FLACC1: variants seen among roughly 807,000 people sequenced by gnomAD.
FLACC1 encodes the protein flagellum-associated coiled-coil domain-containing protein 1.
A neutral mutation model predicts 62.8 loss-of-function variants in FLACC1; 66 were observed. That is an observed-to-expected ratio of 1.05 (90% confidence interval 0.86 to 1.29). The LOEUF is 1.29. FLACC1 is among the 50% of genes most tolerant of loss of function. The probability of loss-of-function intolerance (pLI) is 0.00; values close to 1 mark genes in which losing one functional copy is unlikely to be tolerated. For missense variants in FLACC1, 452 were observed against 489.1 expected, an observed-to-expected ratio of 0.92 and a Z score of 0.71; for synonymous variants, 156 against 161.0, an observed-to-expected ratio of 0.97 and a Z score of 0.24.
chr2:201,296,330 C>T (rs1949860950), intron 12 of FLACC1, among the ~76,000 whole-genome samples: 1 of 151,932 alleles, frequency 6.6e-6, no homozygotes, highest in South Asian at 2.1e-4. Flanking sequence ...TACTATGCAG[C>T]CATAAAAAAT....
intron 9 of FLACC1, among the ~76,000 whole-genome samples, chr2:201,324,940 C>G (rs1401830233): frequency 2.0e-5 from 3 of 151,954 alleles, no homozygotes; most frequent in Non-Finnish European, 4.4e-5. Flanking sequence ...CCAGGCTGGC[C>G]AACATGGTGA....
intron 12 of FLACC1, 34 bp from the exon 13 acceptor site, chr2:201,289,819 C>T: frequency 1.9e-6 from 3 of 1,614,048 alleles, no homozygotes; most frequent in Non-Finnish European, 1.7e-6. Context: ...GGACATCATG[C>T]CAATGTCTAT....
intron 5 of FLACC1, among the ~76,000 whole-genome samples, chr2:201,345,526 T>A (rs1401837289): frequency 6.6e-6 from 1 of 151,910 alleles, no homozygotes; most frequent in African/African-American, 2.4e-5. Flanking sequence ...TTTAGACTTG[T>A]GTGTTGAAAA....
At chr2:201,315,836 A>C (rs989071139) in intron 9 of FLACC1, among the ~76,000 whole-genome samples, 3 of 152,142 alleles carry the variant, frequency 2.0e-5, no homozygotes, top group Non-Finnish European at 4.4e-5. Context: ...TTAAAATTGA[A>C]ATTATATCAA....
At chr2:201,331,341 A>G (rs184624704) in intron 7 of FLACC1, among the ~76,000 whole-genome samples, 1 of 152,174 alleles carries the variant, frequency 6.6e-6, no homozygotes, top group Admixed American at 6.5e-5. Context: ...CTTTTCTACC[A>G]TCATTGTTTT....
At chr2:201,339,448 A>G (rs1221464203) in intron 7 of FLACC1, among the ~76,000 whole-genome samples, 1 of 151,586 alleles carries the variant, frequency 6.6e-6, no homozygotes, top group Non-Finnish European at 1.5e-5. Context: ...CTTTTCTTCT[A>G]CTAATTTTGG....
chr2:201,304,974 A>AAG (rs1950071350), intron 11 of FLACC1, among the ~76,000 whole-genome samples: 1 of 152,264 alleles, frequency 6.6e-6, no homozygotes, highest in African/African-American at 2.4e-5. Flanking sequence ...TAAAACCATA[A>AAG]AAACCCTAGA....
chr2:201,334,571 G>A lies in FLACC1; in HGVS notation c.525-3738C>T, dbSNP rs548385328. On this transcript the variant is annotated intron_variant, in intron 7 of 14. Transcript: ENST00000392257. The stretch of plus-strand genomic sequence containing the variant: ...GGCCGAGGCAGGCAGATCACTTGAG[G>A]TTGGGAGCTCAAGACCAGCCTGAGC... 1.6e-4 allele frequency among the ~76,000 whole-genome samples: 25 copies of A among 152,188 alleles called. No individual in the cohort carries two copies. The South Asian group carries it at 5.2e-3, about 32-fold the overall frequency.
chr2:201,321,910 G>A (rs961979453), intron 9 of FLACC1, among the ~76,000 whole-genome samples: 9 of 152,110 alleles, frequency 5.9e-5, no homozygotes, highest in Non-Finnish European at 1.5e-5. Flanking sequence ...AGCCACAGCT[G>A]ATTCCTACCC....
rs778725332 is a variant in FLACC1, at chr2:201,288,749, C to A, written c.1175G>T (p.Cys392Phe). ...GGCCAATCTCCCAGAACATCCTTCA[C>A]AAATTTCTTCATTCTTAGAAATTAT... ...QKIISKNEEI[C>F]EGCSGRLASI... The change falls in exon 15 of 15, where the codon TGT becomes TTT. Residue 392 changes from cysteine to phenylalanine, a missense_variant. Cys to Phe is a radical substitution (Grantham distance 205, BLOSUM62 -2). Around this residue, in one of 3 missense-constraint regions of FLACC1, gnomAD observed 301 missense variants for 318.4 expected, o/e 0.95. Coordinates refer to ENST00000392257, the MANE Select transcript of FLACC1 (RefSeq NM_001127391.3). 1.2e-6 allele frequency: 2 copies of A among 1,613,926 alleles called. No homozygotes were observed. The highest frequency in any genetic ancestry group is 1.7e-6 in the Non-Finnish European group (2 of 1,180,000).
intron 9 of FLACC1, among the ~76,000 whole-genome samples, chr2:201,329,578 G>A (rs578084711): frequency 6.6e-6 from 1 of 152,306 alleles, no homozygotes; most frequent in African/African-American, 2.4e-5. Flanking sequence ...TAAACAAAAT[G>A]TGGTACATAT....
At chr2:201,331,085 T>C (rs1208908981) in intron 7 of FLACC1, among the ~76,000 whole-genome samples, 1 of 151,830 alleles carries the variant, frequency 6.6e-6, no homozygotes, top group African/African-American at 2.4e-5. Flanking sequence ...CTTCCCACCT[T>C]AACCTCCCAA....
chr2:201,350,844 A>T (rs138395711), intron 2 of FLACC1, 62 bp from the exon 3 acceptor site: 22,938 of 1,431,652 alleles, frequency 0.016, 235 homozygotes, highest in Non-Finnish European at 0.018. Flanking sequence ...CCTTTTTAAC[A>T]CTCCCAGATT....
chr2:201,357,728 G>A (rs1044397563), upstream of FLACC1, among the ~76,000 whole-genome samples: 1 of 151,978 alleles, frequency 6.6e-6, no homozygotes, highest in Admixed American at 6.5e-5. Flanking sequence ...TTTTTCCCTC[G>A]AGTTTAAGGC....
intron 12 of FLACC1, among the ~76,000 whole-genome samples, chr2:201,293,203 A>G (rs942061854): frequency 1.2e-4 from 18 of 152,332 alleles, no homozygotes; most frequent in Admixed American, 9.2e-4. Flanking sequence ...CTCCACCCCA[A>G]ATGAACAGAA....
At chr2:201,337,551 T>C (rs1382484333) in intron 7 of FLACC1, among the ~76,000 whole-genome samples, 1 of 152,160 alleles carries the variant, frequency 6.6e-6, no homozygotes, top group Non-Finnish European at 1.5e-5. Flanking sequence ...ATAGCCTTGA[T>C]CTATATCAAG....
chr2:201,303,923 C>T (rs1465323416), intron 11 of FLACC1, among the ~76,000 whole-genome samples: 7 of 152,142 alleles, frequency 4.6e-5, no homozygotes, highest in Admixed American at 2.0e-4. Flanking sequence ...ATTGATGGGA[C>T]GTATCTCAAA....
At chr2:201,327,234 A>C (rs1950513895) in intron 9 of FLACC1, among the ~76,000 whole-genome samples, 1 of 152,158 alleles carries the variant, frequency 6.6e-6, no homozygotes, top group Non-Finnish European at 1.5e-5. Flanking sequence ...AAGACATTAG[A>C]AAAACTCTTC....
At chr2:201,321,778 G>C (rs1435821764) in intron 9 of FLACC1, among the ~76,000 whole-genome samples, 1 of 152,156 alleles carries the variant, frequency 6.6e-6, no homozygotes, top group African/African-American at 2.4e-5. Context: ...CCTGGCAGGG[G>C]AGCTGAGGTG....
Sources: allele counts gnomAD v4.1 joint callset (sites outside exome capture counted in the v4.1 genomes callset), GRCh38; gene constraint gnomAD v4.1.1; regional missense constraint gnomAD v4.1.1; transcripts MANE v1.5; gene names NCBI Gene and HGNC (gene_info 2026-07-23, HGNC 2026-07-21).